Variants in SOX5 observed in about 807,000 individuals in gnomAD.
The protein encoded by SOX5 is SRY-box transcription factor 5, also known as transcription factor SOX-5.
SOX5 carries 9 observed loss-of-function variants against 92.0 expected under a neutral mutation model. That is an observed-to-expected ratio of 0.10 (90% CI 0.06 to 0.17). The LOEUF (loss-of-function observed/expected upper bound fraction) is 0.17. Ranked by LOEUF, SOX5 falls within the 10% of genes least tolerant of loss-of-function variation. SOX5 has a pLI of 1.00. For missense variants in SOX5, 642 were observed against 944.5 expected (o/e 0.68, Z 4.20); for synonymous variants, 344 against 336.3 (o/e 1.02, Z -0.25).
chr12:23,551,347 C>T (rs755042906), intron 11 of SOX5, among the ~76,000 whole-genome samples: 22 of 151,828 alleles, frequency 1.4e-4, no homozygotes, highest in Admixed American at 2.0e-4. Flanking sequence ...AGAAATAAGG[C>T]GCATGTCCAC....
intron 4 of SOX5, among the ~76,000 whole-genome samples, chr12:24,061,653 A>C (rs771549836): frequency 6.6e-6 from 1 of 152,120 alleles, no homozygotes; most frequent in Non-Finnish European, 1.5e-5. Flanking sequence ...CATGTTACCC[A>C]AAAGTCTAAA....
chr12:24,009,681 C>T (rs1952693528), intron 4 of SOX5, among the ~76,000 whole-genome samples: 1 of 151,950 alleles, frequency 6.6e-6, no homozygotes, highest in African/African-American at 2.4e-5. Context: ...TTATGAAAGC[C>T]AAAAAGAAAA....
intron 2 of SOX5, among the ~76,000 whole-genome samples, chr12:24,319,483 C>T (rs1299578144): frequency 2.6e-5 from 4 of 152,170 alleles, no homozygotes; most frequent in Non-Finnish European, 5.9e-5. Flanking sequence ...ATCAATTAAT[C>T]ACCAATATTG....
chr12:23,835,609 G>A (rs966563953), intron 3 of SOX5, among the ~76,000 whole-genome samples: 1 of 151,714 alleles, frequency 6.6e-6, no homozygotes, highest in African/African-American at 2.4e-5. Flanking sequence ...GATCTCTATT[G>A]AGGCATAAGA....
At chr12:24,077,793 ATATATATATATAT>A (rs1332255571) in intron 4 of SOX5, among the ~76,000 whole-genome samples, 2 of 145,104 alleles carry the variant, frequency 1.4e-5, no homozygotes, top group Non-Finnish European at 3.0e-5. Context: ...ATATATATAT[ATATATATATATAT>A]GCAGCTAAGT....
In SOX5 at chr12:23,596,599, T is replaced by C. The variant is rs1276967460; in HGVS notation, c.1164+7788A>G. Among the ~76,000 whole-genome samples, 4 of 152,196 alleles carry C rather than the reference T, an allele frequency of 2.6e-5. No individual in the cohort carries two copies. In the East Asian group the frequency reaches 5.8e-4, roughly 22 times the overall value. ...TAAAGTGATAAAAAGGAGTTGATTATTGACAGCTCCAAAGGAGGCAATGAT... is the reference window on the plus strand; with the variant it reads ...TAAAGTGATAAAAAGGAGTTGATTACTGACAGCTCCAAAGGAGGCAATGAT... On this transcript the variant is annotated intron_variant, in intron 9 of 14. Coordinates refer to ENST00000451604, the MANE Select transcript of SOX5 (RefSeq NM_006940.6).
chr12:23,968,696 A>G (rs10771049), intron 4 of SOX5, among the ~76,000 whole-genome samples: 38,176 of 152,150 alleles, frequency 0.25, 5,065 homozygotes, highest in African/African-American at 0.33. Flanking sequence ...ATTCTGTTAC[A>G]GCAGCACAAA....
chr12:23,755,980 G>A (rs76567255), intron 3 of SOX5, among the ~76,000 whole-genome samples: 2,985 of 151,788 alleles, frequency 0.02, 100 homozygotes, highest in African/African-American at 0.066. Context: ...TAAACCTTGC[G>A]GTTCATTGTT....
At chr12:23,542,584 G>T (rs558459904) in intron 13 of SOX5, among the ~76,000 whole-genome samples, 72 of 152,256 alleles carry the variant, frequency 4.7e-4, no homozygotes, top group African/African-American at 1.7e-3. Flanking sequence ...CTGTTCAATT[G>T]AATGTTGCAA....
chr12:23,920,060 T>C (rs1937682907), intron 1 of SOX5: 1 of 152,150 alleles, frequency 6.6e-6, no homozygotes, highest in South Asian at 2.1e-4. Flanking sequence ...TTGCCAAACA[T>C]CGGCATTTAT....
chr12:24,155,501 A>G (rs905821490), intron 4 of SOX5, among the ~76,000 whole-genome samples: 1 of 152,150 alleles, frequency 6.6e-6, no homozygotes, highest in Non-Finnish European at 1.5e-5. Context: ...GCTCCCACGA[A>G]AAAAACCTTT....
In SOX5 at chr12:23,531,909, G is replaced by A. The variant is rs932107953; in HGVS notation, c.*2310C>T. On this transcript the variant is annotated 3_prime_UTR_variant, in exon 15 of 15. Transcript: ENST00000451604. ...ATTGTGGGTAAATGTGTGTGTGTGT[G>A]TGTATATGTGTGTATATATATGTAT... 1 of 149,078 alleles carries A rather than the reference G, an allele frequency of 6.7e-6. No homozygotes were observed. Among genetic ancestry groups the A allele is most frequent in the Non-Finnish European group, 1.5e-5 (1 of 67,464 alleles). The allele number at this position is 149,078 out of a possible 1,614,324, so 9.2% of individuals were successfully genotyped here.
At chr12:23,754,297 C>T (rs1278872941) in intron 4 of SOX5, among the ~76,000 whole-genome samples, 15 of 151,778 alleles carry the variant, frequency 9.9e-5, no homozygotes, top group Non-Finnish European at 2.9e-5. Flanking sequence ...TGAGTTATTA[C>T]CTAGGTCAGA....
chr12:23,726,498 T>A (rs575272994), intron 6 of SOX5, among the ~76,000 whole-genome samples: 1 of 152,250 alleles, frequency 6.6e-6, no homozygotes, highest in East Asian at 1.9e-4. Flanking sequence ...TAAAGTAAAA[T>A]AAAAAGTGGT....
chr12:23,990,073 G>C (rs919314265), intron 4 of SOX5, among the ~76,000 whole-genome samples: 1 of 152,028 alleles, frequency 6.6e-6, no homozygotes, highest in Non-Finnish European at 1.5e-5. Flanking sequence ...GAGAAAAAAA[G>C]GGAAAGAGGG....
At chr12:23,813,133 CAAT>C (rs2095909479) in intron 3 of SOX5, among the ~76,000 whole-genome samples, 1 of 152,050 alleles carries the variant, frequency 6.6e-6, no homozygotes, top group Admixed American at 6.6e-5. Flanking sequence ...GGGCATACAA[CAAT>C]AATTGTCACT....
chr12:24,044,078 TAA>T (rs1956779301), intron 4 of SOX5, among the ~76,000 whole-genome samples: 1 of 152,204 alleles, frequency 6.6e-6, no homozygotes, highest in African/African-American at 2.4e-5. Flanking sequence ...TCAATGTCTT[TAA>T]AGACTCAATT....
intron 1 of SOX5, among the ~76,000 whole-genome samples, chr12:24,469,102 C>T (rs4963761): frequency 0.56 from 85,147 of 151,966 alleles, 24,517 homozygotes; most frequent in East Asian, 0.97. Flanking sequence ...TGCAACTAGG[C>T]GGTCCCATCT....
At chr12:24,398,193 C>T (rs531014010) in intron 1 of SOX5, among the ~76,000 whole-genome samples, 1 of 152,226 alleles carries the variant, frequency 6.6e-6, no homozygotes, top group Non-Finnish European at 1.5e-5. Context: ...ATTCTTTCCT[C>T]TGGAATATTT....
Sources: allele counts gnomAD v4.1 joint callset (sites outside exome capture counted in the v4.1 genomes callset), GRCh38; gene constraint gnomAD v4.1.1; transcripts MANE v1.5; gene names NCBI Gene and HGNC (gene_info 2026-07-23, HGNC 2026-07-21).